Variants in RBFOX2 observed in about 807,000 individuals in gnomAD.
RBFOX2 encodes the protein RNA binding protein fox-1 homolog 2.
RBFOX2 carries 10 observed loss-of-function variants against 49.1 expected under a neutral mutation model. The ratio of observed to expected loss-of-function variants is 0.20; its 90% CI spans 0.13 to 0.35. The LOEUF is 0.35. Among genes scored for constraint, RBFOX2 ranks in the 10% least tolerant of loss-of-function variants. The pLI is 1.00. For missense variants in RBFOX2, 323 were observed against 486.9 expected (o/e 0.66, Z 3.17); for synonymous variants, 183 against 187.4 (o/e 0.98, Z 0.19).
intron 1 of RBFOX2, among the ~76,000 whole-genome samples, chr22:35,919,385 A>T (rs2050772538): frequency 6.6e-6 from 1 of 152,180 alleles, no homozygotes; most frequent in Admixed American, 6.5e-5. Context: ...TAAAAATACG[A>T]AAATTAGGCA....
chr22:35,968,606 C>T (rs1419392782), intron 1 of RBFOX2, among the ~76,000 whole-genome samples: 2 of 152,172 alleles, frequency 1.3e-5, no homozygotes. Flanking sequence ...TCCTCTGATG[C>T]AAAACAACAG....
rs562977567 is a variant in RBFOX2, at chr22:35,778,794, G to A, written c.400-716C>T. 2.2e-4 allele frequency among the ~76,000 whole-genome samples: 34 copies of A among 152,132 alleles called. 3 individuals carry two copies. In the South Asian group the frequency reaches 6.4e-3, roughly 29 times the overall value. On this transcript the variant is annotated intron_variant, in intron 3 of 11. Coordinates refer to ENST00000405409, the Ensembl canonical transcript of RBFOX2. ...TGTGATTACAGGTGCCTGCCACCAC[G>A]TCCAGCTAATTTTTGTATTTTTAGT...
rs1199414390 is a variant in RBFOX2, at chr22:35,759,741, T to C, written c.887+147A>G. The C allele has an allele frequency of 5.5e-6, 6 of 1,090,970 alleles. No homozygotes were observed. The allele number at this position is 1,090,970 out of a possible 1,614,324, so 67.6% of individuals were successfully genotyped here. ...TGATGATGGTATATTTTGTTTTTTG[T>C]CATCTAATCTGTTAATTTGCAAATA... On this transcript the variant is annotated intron_variant, in intron 9 of 11. Coordinates refer to ENST00000405409, the Ensembl canonical transcript of RBFOX2. This position sits in a 1 kb window ranked among gnomAD's most constrained non-coding sequence, Gnocchi z 4.6.
At position 35,821,837 on chromosome 22, in the gene RBFOX2, C is replaced by T. The variant is rs556666614; in HGVS notation, c.28-11833G>A. The T allele has an allele frequency of 3.2e-4, 166 of 518,804 alleles. 2 individuals are homozygous for T. Among genetic ancestry groups the T allele is most frequent in the South Asian group, 2.2e-3 (157 of 71,578 alleles). 32.1% of individuals were successfully genotyped at this position (518,804 alleles called of 1,614,324 possible). The stretch of plus-strand genomic sequence containing the variant: ...AGGACCTGGCCTCCTCTCCTGAGGC[C>T]GCTGAAGGAAGGGGTCAAGTGAGTT... On this transcript the variant is annotated intron_variant, in intron 1 of 11. Transcript: ENST00000405409.
At chr22:35,842,214 A>G (rs2040592136), upstream of RBFOX2, among the ~76,000 whole-genome samples, 1 of 152,218 alleles carries the variant, frequency 6.6e-6, no homozygotes, top group Non-Finnish European at 1.5e-5. Context: ...GTAACATAGT[A>G]TATCAGGCTC....
intron 1 of RBFOX2, among the ~76,000 whole-genome samples, chr22:36,002,140 G>A (rs568406708): frequency 4.6e-5 from 7 of 152,068 alleles, no homozygotes; most frequent in African/African-American, 1.7e-4. Flanking sequence ...TTTTCACTTC[G>A]GCTTGTGAAA....
At chr22:36,000,732 T>TC (rs768494089) in intron 1 of RBFOX2, among the ~76,000 whole-genome samples, 5 of 152,122 alleles carry the variant, frequency 3.3e-5, no homozygotes, top group Non-Finnish European at 5.9e-5. Context: ...CCTTCGTTTT[T>TC]CCTCTATCCT....
chr22:35,888,352 G>C (rs1023219594), intron 1 of RBFOX2, among the ~76,000 whole-genome samples: 1 of 152,122 alleles, frequency 6.6e-6, no homozygotes, highest in Admixed American at 6.5e-5. Flanking sequence ...TCTGAGAAAT[G>C]CATCACTGAG....
rs75571544 is a variant in RBFOX2 at position 35,815,616 on chromosome 22, T to C, written c.28-5612A>G. 4.5e-3 allele frequency among the ~76,000 whole-genome samples: 690 copies of C among 152,270 alleles called. 5 individuals are homozygous for C. The highest frequency in any genetic ancestry group is 0.015 in the African/African-American group (639 of 41,560). ...AGCTTCTCAATTCCCATACCACATA[T>C]ATGGTCAGAATGGATCATGCACACA... On this transcript the variant is annotated intron_variant, in intron 1 of 11. Transcript: ENST00000405409.
intron 1 of RBFOX2, among the ~76,000 whole-genome samples, chr22:35,971,912 T>TAAAAAA (rs527896726): frequency 1.8e-5 from 1 of 56,618 alleles, no homozygotes; most frequent in Non-Finnish European, 3.3e-5. Flanking sequence ...TTTTTCTCCC[T>TAAAAAA]AAAAAAAAAA....
chr22:35,951,088 G>A (rs183030621), intron 1 of RBFOX2, among the ~76,000 whole-genome samples: 14 of 151,414 alleles, frequency 9.2e-5, no homozygotes, highest in African/African-American at 3.4e-4. Context: ...CAGGTAGCTG[G>A]GATTACAGGC....
chr22:35,792,932 T>C (rs1283070987), intron 2 of RBFOX2, among the ~76,000 whole-genome samples: 1 of 152,216 alleles, frequency 6.6e-6, no homozygotes, highest in African/African-American at 2.4e-5. Context: ...AAAGTACTTT[T>C]GTTTTAATTT....
intron 1 of RBFOX2, chr22:35,821,893 G>T (rs577709857): frequency 1.9e-6 from 1 of 519,026 alleles, no homozygotes; most frequent in South Asian, 1.4e-5. Flanking sequence ...TTGACCAAAA[G>T]GGGGAGGAGC....
intron 1 of RBFOX2, among the ~76,000 whole-genome samples, chr22:35,923,174 G>A (rs2051217553): frequency 6.6e-6 from 1 of 152,130 alleles, no homozygotes; most frequent in Non-Finnish European, 1.5e-5. Flanking sequence ...TCTTACAAAT[G>A]AGGAAGTAAG....
chr22:35,859,804 C>G (rs1431580119), intron 1 of RBFOX2, among the ~76,000 whole-genome samples: 4 of 152,194 alleles, frequency 2.6e-5, no homozygotes, highest in African/African-American at 9.7e-5. Flanking sequence ...CTCAAGTGAT[C>G]TACCCACCTC....
In RBFOX2 at chr22:35,871,873, A is replaced by G. The variant is rs1043391697; in HGVS notation, c.-33-61869T>C. On this transcript the variant is annotated intron_variant, in intron 1 of 13. Transcript: ENST00000359369. ...TAATGAGGTATCGAATTATTTGAAAAACCAGCTGACTACTGGCGAGGCAAG... is the reference window on the plus strand; with the variant it reads ...TAATGAGGTATCGAATTATTTGAAAGACCAGCTGACTACTGGCGAGGCAAG... 1.8e-4 allele frequency among the ~76,000 whole-genome samples: 27 copies of G among 152,302 alleles called. 1 individual carries two copies. Among genetic ancestry groups the G allele is most frequent in the African/African-American group, 6.3e-4 (26 of 41,566 alleles).
chr22:35,941,436 G>A (rs2053676957), upstream of RBFOX2, among the ~76,000 whole-genome samples: 1 of 152,118 alleles, frequency 6.6e-6, no homozygotes, highest in African/African-American at 2.4e-5. Context: ...CTAACTGAAA[G>A]AAGGTAAGTA....
chr22:35,867,446 T>G (rs906025482), intron 1 of RBFOX2, among the ~76,000 whole-genome samples: 1 of 152,228 alleles, frequency 6.6e-6, no homozygotes, highest in African/African-American at 2.4e-5. Flanking sequence ...TTTCTTCCTT[T>G]GGAGTTACCA....
intron 6 of RBFOX2, among the ~76,000 whole-genome samples, chr22:35,761,939 C>T: frequency 6.6e-6 from 1 of 152,146 alleles, no homozygotes; most frequent in East Asian, 1.9e-4. Context: ...AGATCTTTGA[C>T]TCCATGTTTG....
Sources: allele counts gnomAD v4.1 joint callset (sites outside exome capture counted in the v4.1 genomes callset), GRCh38; gene constraint gnomAD v4.1.1; non-coding constraint Gnocchi (gnomAD v3.1); transcripts MANE v1.5; gene names NCBI Gene and HGNC (gene_info 2026-07-23, HGNC 2026-07-21).